The following ABCA13 variants were observed in gnomAD, a reference collection of about 807,000 sequenced individuals.
The protein encoded by ABCA13 is ATP-binding cassette sub-family A member 13.
A neutral mutation model predicts 478.7 loss-of-function variants in ABCA13; 476 were observed. That is an observed-to-expected ratio of 0.99 (90% CI 0.92 to 1.07). The LOEUF is 1.07. Among genes scored for constraint, ABCA13 ranks in the 50% least tolerant of loss-of-function variants. ABCA13 has a pLI of 0.00. For synonymous variants in ABCA13, 2,252 were observed against 2,158.9 expected, an observed-to-expected ratio of 1.04 and a Z score of -1.20; for missense variants, 6,060 against 5,910.6, an observed-to-expected ratio of 1.03 and a Z score of -0.83.
At chr7:48,588,404 G>A (rs988247373) in intron 57 of ABCA13, among the ~76,000 whole-genome samples, 1 of 152,204 alleles carries the variant, frequency 6.6e-6, no homozygotes, top group African/African-American at 2.4e-5. Flanking sequence ...CTCTTACAAT[G>A]CATCTCCTTA....
At chr7:48,592,168 T>C (rs918378054) in intron 57 of ABCA13, among the ~76,000 whole-genome samples, 4 of 150,152 alleles carry the variant, frequency 2.7e-5, no homozygotes, top group African/African-American at 1.0e-4. Context: ...TTTCTTCAAT[T>C]GCAAAGGTAA....
At chr7:48,633,526 A>G (rs961891618) in intron 59 of ABCA13, among the ~76,000 whole-genome samples, 4 of 152,148 alleles carry the variant, frequency 2.6e-5, no homozygotes, top group African/African-American at 9.7e-5. Context: ...GCTCAGCCAT[A>G]AAGCCAGTCT....
chr7:48,394,842 C>G (rs1816613769), intron 38 of ABCA13, among the ~76,000 whole-genome samples: 1 of 152,246 alleles, frequency 6.6e-6, no homozygotes, highest in East Asian at 1.9e-4. Flanking sequence ...CCTCAACCCC[C>G]TTGAGTTCAG....
chr7:48,453,751 G>T (rs1207287787), intron 42 of ABCA13, among the ~76,000 whole-genome samples: 2 of 152,124 alleles, frequency 1.3e-5, no homozygotes, highest in Non-Finnish European at 2.9e-5. Flanking sequence ...TCACTCCTTG[G>T]TACCGACTCT....
intron 41 of ABCA13, among the ~76,000 whole-genome samples, chr7:48,424,607 G>A (rs1821169392): frequency 6.6e-6 from 1 of 152,198 alleles, no homozygotes; most frequent in Non-Finnish European, 1.5e-5. Flanking sequence ...ACTGTAAAAT[G>A]ATGTAATGTG....
intron 1 of ABCA13, among the ~76,000 whole-genome samples, chr7:48,191,847 A>AT (rs1797150058): frequency 6.6e-6 from 1 of 152,224 alleles, no homozygotes; most frequent in Non-Finnish European, 1.5e-5. Flanking sequence ...CTGCAATGGG[A>AT]TATGACCATG....
At chr7:48,501,776 G>A (rs777990820) in intron 48 of ABCA13, among the ~76,000 whole-genome samples, 3 of 152,178 alleles carry the variant, frequency 2.0e-5, no homozygotes, top group Non-Finnish European at 4.4e-5. Flanking sequence ...TGTCATAGTT[G>A]AGGTTTTCAT....
At chr7:48,381,720 G>T (rs527267648) in intron 35 of ABCA13, among the ~76,000 whole-genome samples, 1 of 152,080 alleles carries the variant, frequency 6.6e-6, no homozygotes, top group East Asian at 1.9e-4. Context: ...TGTCAGTTTT[G>T]GGGGGCAATG....
rs142414306 is a variant in ABCA13 at position 48,310,024 on chromosome 7, C to G, written c.9399C>G (p.Pro3133=). The G allele has an allele frequency of 2.8e-5, 45 of 1,613,946 alleles. No homozygotes were observed. Among genetic ancestry groups the G allele is most frequent in the Non-Finnish European group, 3.7e-5 (44 of 1,179,844 alleles). The change falls in exon 24 of 62, where the codon CCC becomes CCG. Residue 3133 remains proline (P), a synonymous_variant. Transcript: ENST00000435803. ...QEILHLLLTF[P]KGEKSWIAAE... ...TCCTTCATCTCCTGCTGACATTTCC[C>G]AAAGGGGAAAAATCTTGGATCGCAG...
At chr7:48,243,522 C>T (rs1278266913) in intron 10 of ABCA13, among the ~76,000 whole-genome samples, 5 of 152,174 alleles carry the variant, frequency 3.3e-5, no homozygotes, top group African/African-American at 4.8e-5. Context: ...GCAATTGCTC[C>T]GCCTTGTAGG....
chr7:48,542,232 A>T (rs1585750996), intron 55 of ABCA13, among the ~76,000 whole-genome samples: 1 of 151,774 alleles, frequency 6.6e-6, no homozygotes, highest in Non-Finnish European at 1.5e-5. Context: ...AAAGTGTAAT[A>T]TATTTGGAGA....
intron 59 of ABCA13, among the ~76,000 whole-genome samples, chr7:48,630,946 T>G (rs960752543): frequency 3.3e-5 from 5 of 152,158 alleles, no homozygotes; most frequent in African/African-American, 1.2e-4. Flanking sequence ...GTTGGCTGCT[T>G]ATAGATCTTC....
chr7:48,426,501 G>C (rs1333966548), intron 41 of ABCA13, among the ~76,000 whole-genome samples: 1 of 152,134 alleles, frequency 6.6e-6, no homozygotes, highest in Non-Finnish European at 1.5e-5. Context: ...TCAGAAGTGA[G>C]GCAGGGTGCT....
intron 15 of ABCA13, among the ~76,000 whole-genome samples, chr7:48,254,727 G>A (rs1359375082): frequency 2.0e-5 from 3 of 152,138 alleles, no homozygotes; most frequent in Admixed American, 6.6e-5. Context: ...CTTTGTGAGA[G>A]CTCAATTGTT....
chr7:48,422,232 A>G (rs1820869793), intron 41 of ABCA13, among the ~76,000 whole-genome samples: 1 of 125,384 alleles, frequency 8.0e-6, no homozygotes, highest in Admixed American at 8.6e-5. Context: ...AGAACAATAC[A>G]TTCAGTATTT....
In ABCA13 at chr7:48,275,471, T is replaced by G. The variant is rs1250632954; in HGVS notation, c.5805T>G (p.Thr1935=). 1.9e-6 allele frequency: 3 copies of G among 1,613,900 alleles called. No homozygotes were observed. Among genetic ancestry groups the G allele is most frequent in the Admixed American group, 3.3e-5 (2 of 60,020 alleles). The change falls in exon 17 of 62, where the codon ACT becomes ACG. Residue 1935 remains threonine, a synonymous_variant. Transcript: ENST00000435803. The part of the protein sequence containing the change: ...LPFVPPSINQ[T]RDSISELCPS... ...TTGTCCCACCTTCAATAAATCAAAC[T>G]AGGGATAGCATCTCTGAACTCTGTC...
At chr7:48,572,718 A>G (rs1787791142) in intron 55 of ABCA13, among the ~76,000 whole-genome samples, 1 of 152,162 alleles carries the variant, frequency 6.6e-6, no homozygotes, top group African/African-American at 2.4e-5. Context: ...ATTGTAACAC[A>G]TTTGCCAGGT....
intron 38 of ABCA13, 55 bp from the exon 39 acceptor site, chr7:48,403,628 G>A: frequency 6.5e-7 from 1 of 1,547,590 alleles, no homozygotes; most frequent in Non-Finnish European, 8.8e-7. Flanking sequence ...AGTGAAATTA[G>A]AAGCAAAGTT....
At position 48,507,985 on chromosome 7, in the gene ABCA13, G is replaced by A. The variant is rs763847668; in HGVS notation, c.13460G>A (p.Arg4487Lys). The change falls in exon 50 of 62, where the codon AGG (arginine) becomes AAG (lysine). Residue 4487 changes from arginine to lysine, a missense_variant. This residue lies in a region of ABCA13 where 1,627 missense variants were observed against 1,571.0 expected (regional missense o/e 1.04). Transcript: ENST00000435803. ...VVRDRVIGAK[R>K]LQHISGLGYR... is the part of the protein sequence containing the mutation. ...AGGGACAGGGTGATTGGAGCCAAAA[G>A]GTTGCAGCACATAAGTGGCCTTGGC... 3 of 1,613,742 alleles carry A rather than the reference G, an allele frequency of 1.9e-6. No homozygotes were observed. Among genetic ancestry groups the A allele is most frequent in the African/African-American group, 2.7e-5 (2 of 74,924 alleles).
Sources: allele counts gnomAD v4.1 joint callset (sites outside exome capture counted in the v4.1 genomes callset), GRCh38; gene constraint gnomAD v4.1.1; regional missense constraint gnomAD v4.1.1; transcripts MANE v1.5; gene names NCBI Gene and HGNC (gene_info 2026-07-23, HGNC 2026-07-21).